Variants in DYRK1A observed in about 807,000 individuals in gnomAD.
The protein encoded by DYRK1A is dual specificity tyrosine-phosphorylation-regulated kinase 1A.
A neutral mutation model predicts 79.7 loss-of-function variants in DYRK1A; 9 were observed. That is an observed-to-expected ratio of 0.11 (90% CI 0.07 to 0.20). DYRK1A has a LOEUF of 0.20. Among genes scored for constraint, DYRK1A ranks in the 10% least tolerant of loss-of-function variants. The pLI, the probability that DYRK1A is intolerant of heterozygous loss-of-function variation, is 1.00. For synonymous variants in DYRK1A, 349 were observed against 329.7 expected (o/e 1.06, Z -0.63); for missense variants, 622 against 956.0 (o/e 0.65, Z 4.61).
intron 2 of DYRK1A, among the ~76,000 whole-genome samples, chr21:37,469,455 AT>A (rs1177053131): frequency 6.6e-6 from 1 of 152,228 alleles, no homozygotes; most frequent in African/African-American, 2.4e-5. Flanking sequence ...ATTCTACTCT[AT>A]TACATTAGTT....
At chr21:37,505,829 C>A (rs538348868) in intron 10 of DYRK1A, among the ~76,000 whole-genome samples, 1 of 152,312 alleles carries the variant, frequency 6.6e-6, no homozygotes, top group South Asian at 2.1e-4. Flanking sequence ...TTTTAAATTA[C>A]TTCTTAAATG....
intron 1 of DYRK1A, chr21:37,419,092 G>A (rs2050413660): frequency 6.6e-6 from 1 of 152,154 alleles, no homozygotes; most frequent in South Asian, 2.1e-4. Context: ...CCCACTTGTA[G>A]CACCACTTGG....
chr21:37,507,995 C>T (rs970585196), intron 11 of DYRK1A, among the ~76,000 whole-genome samples: 1 of 152,176 alleles, frequency 6.6e-6, no homozygotes, highest in Non-Finnish European at 1.5e-5. Context: ...TCCTTCCCAA[C>T]GCTTCTACTT....
chr21:37,407,343 T>C (rs1217989713), intron 1 of DYRK1A, among the ~76,000 whole-genome samples: 1 of 152,176 alleles, frequency 6.6e-6, no homozygotes, highest in Non-Finnish European at 1.5e-5. Context: ...ACCCATCATA[T>C]GAGTTCAGGT....
intron 1 of DYRK1A, among the ~76,000 whole-genome samples, chr21:37,417,535 T>TTTTTTC (rs2050375470): frequency 2.8e-5 from 1 of 35,190 alleles, no homozygotes; most frequent in Non-Finnish European, 6.5e-5. Context: ...TTTTCTTTTT[T>TTTTTTC]TTTTTTTTTT....
At chr21:37,485,526 T>C (rs900218366) in intron 5 of DYRK1A, among the ~76,000 whole-genome samples, 6 of 152,256 alleles carry the variant, frequency 3.9e-5, no homozygotes, top group Admixed American at 2.6e-4. Context: ...CCTGACCTTA[T>C]GGTTTCATCC....
intron 1 of DYRK1A, among the ~76,000 whole-genome samples, chr21:37,373,570 C>T (rs559681129): frequency 1.8e-4 from 28 of 152,288 alleles, no homozygotes; most frequent in Middle Eastern, 3.4e-3. Context: ...AGCTTGGTTC[C>T]TTCTGTCTTG....
chr21:37,480,118 T>A (rs1373758129), intron 4 of DYRK1A, among the ~76,000 whole-genome samples: 1 of 152,170 alleles, frequency 6.6e-6, no homozygotes, highest in Admixed American at 6.5e-5. Flanking sequence ...GAACTTATTT[T>A]AAAAATATGT....
At chr21:37,397,054 G>A (rs768307076) in intron 1 of DYRK1A, among the ~76,000 whole-genome samples, 10 of 152,178 alleles carry the variant, frequency 6.6e-5, no homozygotes, top group Non-Finnish European at 1.3e-4. Flanking sequence ...AGAGTAGGAG[G>A]TGCAGAGACA....
At position 37,428,701 on chromosome 21, in the gene DYRK1A, T is replaced by C. The variant is rs2148447538; in HGVS notation, c.10+8317T>C. ...GAAAATTATAGATTTGGCCATTGTT[T>C]AAAAAGTTTTGAATAAATTTTGGCT... On this transcript the variant is annotated intron_variant, in intron 2 of 11. Coordinates refer to ENST00000647188, the MANE Select transcript of DYRK1A (RefSeq NM_001347721.2). Among the ~76,000 whole-genome samples the C allele has an allele frequency of 1.3e-5, 2 of 152,330 alleles. 1 individual carries two copies. Among genetic ancestry groups the C allele is most frequent in the South Asian group, 4.1e-4 (2 of 4,830 alleles).
rs1601348754 is a variant in DYRK1A, at chr21:37,519,758, T to C, written c.*7227T>C. ...GAAGTTTTTTTTTTTTTTTTTTTTT[T>C]TGAGGCGGAGTCTCGCTCTGTCGCC... is the stretch of plus-strand genomic sequence containing the variant. On this transcript the variant is annotated 3_prime_UTR_variant, in exon 12 of 12. Transcript: ENST00000647188. 1 of 63,276 alleles carries C rather than the reference T, an allele frequency of 1.6e-5. No homozygotes were observed. Among genetic ancestry groups the C allele is most frequent in the Non-Finnish European group, 3.4e-5 (1 of 29,536 alleles). The allele number at this position is 63,276 out of a possible 1,614,324, so 3.9% of individuals were successfully genotyped here.
intron 1 of DYRK1A, among the ~76,000 whole-genome samples, chr21:37,417,446 G>A (rs1367014825): frequency 1.3e-5 from 2 of 150,922 alleles, no homozygotes; most frequent in Admixed American, 6.6e-5. Flanking sequence ...CGCCCACCTC[G>A]GCCTCCCAAA....
At chr21:37,509,808 C>A (rs954693267) in intron 11 of DYRK1A, among the ~76,000 whole-genome samples, 2 of 152,224 alleles carry the variant, frequency 1.3e-5, no homozygotes, top group Admixed American at 6.5e-5. Context: ...TAACCCTGTA[C>A]GGTAGTGTCC....
intron 2 of DYRK1A, among the ~76,000 whole-genome samples, chr21:37,435,979 G>A (rs528305340): frequency 2.7e-5 from 4 of 148,462 alleles, no homozygotes; most frequent in African/African-American, 1.0e-4. Context: ...CTGTCAGATG[G>A]TAGGTTCTGC....
chr21:37,369,403 A>G (rs1909872810), intron 1 of DYRK1A, among the ~76,000 whole-genome samples: 1 of 152,358 alleles, frequency 6.6e-6, no homozygotes, highest in Middle Eastern at 3.4e-3. Context: ...AAAAAAGCTT[A>G]CTTGATTATA....
At chr21:37,427,951 A>G (rs1472249382) in intron 2 of DYRK1A, among the ~76,000 whole-genome samples, 1 of 151,536 alleles carries the variant, frequency 6.6e-6, no homozygotes, top group Non-Finnish European at 1.5e-5. Context: ...TTTTTTCTTA[A>G]TTTACCAAAG....
chr21:37,500,700 C>T (rs925537458), intron 9 of DYRK1A, among the ~76,000 whole-genome samples: 3 of 151,892 alleles, frequency 2.0e-5, no homozygotes, highest in South Asian at 2.1e-4. Context: ...TTGTATCTTT[C>T]AAGAAACTTT....
chr21:37,508,475 C>T (rs536362274), intron 11 of DYRK1A, among the ~76,000 whole-genome samples: 2 of 152,216 alleles, frequency 1.3e-5, no homozygotes, highest in South Asian at 2.1e-4. Flanking sequence ...GTAGTAGAGA[C>T]GGGGTTTTGC....
intron 1 of DYRK1A, chr21:37,367,892 A>C (rs1469443496): frequency 6.5e-6 from 1 of 152,890 alleles, no homozygotes; most frequent in East Asian, 1.9e-4. Flanking sequence ...GGGGGGCCGT[A>C]GACAGCGCCA....
Sources: gnomAD v4.1 joint callset for allele counts (sites outside exome capture counted in the v4.1 genomes callset) on GRCh38, gnomAD v4.1.1 for gene constraint, MANE v1.5 for transcripts, NCBI Gene and HGNC (gene_info 2026-07-23, HGNC 2026-07-21) for gene names.